Variants in HS3ST5 observed in about 807,000 individuals in gnomAD.
HS3ST5 encodes heparan sulfate glucosamine 3-O-sulfotransferase 5.
Under a neutral mutation model 25.4 loss-of-function variants are expected in HS3ST5, and 10 were observed. The observed-to-expected ratio is 0.39, with a 90% CI of 0.24 to 0.67. HS3ST5 has a LOEUF of 0.67. Ranked by LOEUF, HS3ST5 falls within the 30% of genes least tolerant of loss-of-function variation. The pLI is 0.44. For synonymous variants in HS3ST5, 170 were observed against 162.4 expected (o/e 1.05, Z -0.36); for missense variants, 324 against 420.7 (o/e 0.77, Z 2.01).
intron 2 of HS3ST5, among the ~76,000 whole-genome samples, chr6:114,180,262 C>A (rs1400489987): frequency 6.6e-6 from 1 of 152,134 alleles, no homozygotes; most frequent in African/African-American, 2.4e-5. Flanking sequence ...TCCTATACTG[C>A]ACATAAGGCA....
intron 2 of HS3ST5, among the ~76,000 whole-genome samples, chr6:114,174,605 T>C (rs909173741): frequency 6.6e-6 from 1 of 152,330 alleles, no homozygotes; most frequent in South Asian, 2.1e-4. Context: ...AAAGTCGATA[T>C]GGGTTAACAC....
At chr6:114,182,391 T>A (rs1780014627) in intron 2 of HS3ST5, among the ~76,000 whole-genome samples, 2 of 152,154 alleles carry the variant, frequency 1.3e-5, no homozygotes, top group South Asian at 2.1e-4. Context: ...AAAGGTCAGG[T>A]TAAGAGGAAA....
chr6:114,243,027 C>T (rs1417196912), intron 1 of HS3ST5, among the ~76,000 whole-genome samples: 1 of 152,186 alleles, frequency 6.6e-6, no homozygotes, highest in Non-Finnish European at 1.5e-5. Flanking sequence ...ATTGTGAGAA[C>T]CTCTCTGGGT....
chr6:114,238,143 A>G (rs934188504), intron 1 of HS3ST5, among the ~76,000 whole-genome samples: 2 of 152,244 alleles, frequency 1.3e-5, no homozygotes, highest in Admixed American at 6.5e-5. Context: ...TATTTTACTG[A>G]AGACGCTGCT....
chr6:114,088,163 C>T (rs7760512), intron 3 of HS3ST5, among the ~76,000 whole-genome samples: 66,312 of 151,930 alleles, frequency 0.44, 14,962 homozygotes, highest in Middle Eastern at 0.55. Flanking sequence ...AAATTACCTA[C>T]GTGGTTTGCA....
intron 2 of HS3ST5, among the ~76,000 whole-genome samples, chr6:114,213,069 T>C (rs899733439): frequency 6.6e-6 from 1 of 152,134 alleles, no homozygotes. Context: ...AGGATTTTAT[T>C]GCCGATGAAA....
intron 1 of HS3ST5, among the ~76,000 whole-genome samples, chr6:114,341,175 GGA>G (rs1562281318): frequency 1.8e-5 from 1 of 57,040 alleles, no homozygotes; most frequent in Admixed American, 1.7e-4. Context: ...AGGGAGGGAG[GGA>G]GAGGGAGAGG....
At chr6:114,274,286 G>A (rs1458516112) in intron 1 of HS3ST5, among the ~76,000 whole-genome samples, 5 of 152,000 alleles carry the variant, frequency 3.3e-5, no homozygotes, top group Admixed American at 2.6e-4. Context: ...GAAGATATGT[G>A]GAGTTTTGAG....
intron 3 of HS3ST5, among the ~76,000 whole-genome samples, chr6:114,136,579 G>A (rs1777626175): frequency 6.6e-6 from 1 of 152,204 alleles, no homozygotes; most frequent in Admixed American, 6.5e-5. Context: ...TTGTATTGAA[G>A]TGAATTGGGC....
At chr6:114,235,210 C>T (rs1365360616) in intron 1 of HS3ST5, among the ~76,000 whole-genome samples, 6 of 152,164 alleles carry the variant, frequency 3.9e-5, no homozygotes, top group African/African-American at 1.4e-4. Flanking sequence ...ATACTTTACA[C>T]AGGTATTCCT....
chr6:114,236,395 C>G (rs923078114), intron 1 of HS3ST5, among the ~76,000 whole-genome samples: 5 of 152,174 alleles, frequency 3.3e-5, no homozygotes, highest in Non-Finnish European at 7.3e-5. Context: ...ATGGATATAG[C>G]TTTACTCATA....
rs566508842 is a variant in HS3ST5 at position 114,256,045 on chromosome 6, T to G, written c.-338-27267A>C. On this transcript the variant is annotated intron_variant, in intron 1 of 4. Coordinates refer to ENST00000312719, the MANE Select transcript of HS3ST5 (RefSeq NM_153612.4). ...AGGCTGCAATTTTTCTAAACTTTTA[T>G]GCTCTGTTTCCCTTTTAAAACTGAA... is the stretch of plus-strand genomic sequence containing the variant. Among the ~76,000 whole-genome samples, 121 of 152,328 alleles carry G rather than the reference T, an allele frequency of 7.9e-4. 1 individual carries two copies. Among genetic ancestry groups the G allele is most frequent in the African/African-American group, 2.8e-3 (115 of 41,592 alleles).
At chr6:114,119,948 C>T (rs1237980134) in intron 3 of HS3ST5, among the ~76,000 whole-genome samples, 7 of 152,010 alleles carry the variant, frequency 4.6e-5, no homozygotes, top group African/African-American at 1.7e-4. Context: ...AGTTCGAGAC[C>T]GGCCTGGCCA....
intron 3 of HS3ST5, among the ~76,000 whole-genome samples, chr6:114,157,133 C>T (rs1202124667): frequency 6.6e-6 from 1 of 152,104 alleles, no homozygotes; most frequent in Non-Finnish European, 1.5e-5. Flanking sequence ...CTATCCACCC[C>T]ATTGTCCAGG....
At chr6:114,329,509 C>T (rs1038450277) in intron 1 of HS3ST5, among the ~76,000 whole-genome samples, 1 of 152,134 alleles carries the variant, frequency 6.6e-6, no homozygotes, top group African/African-American at 2.4e-5. Context: ...GGGAATAGAC[C>T]TTTGCCCTCA....
chr6:114,242,839 G>A (rs1380499728), intron 1 of HS3ST5, among the ~76,000 whole-genome samples: 1 of 141,388 alleles, frequency 7.1e-6, no homozygotes, highest in African/African-American at 2.6e-5. Flanking sequence ...CGGCCTGGGC[G>A]ACAGAGCGAG....
intron 3 of HS3ST5, among the ~76,000 whole-genome samples, chr6:114,081,348 C>T (rs1311375737): frequency 6.6e-6 from 1 of 150,912 alleles, no homozygotes; most frequent in African/African-American, 2.4e-5. Flanking sequence ...GGTTGCAACA[C>T]ATCTTTAATT....
chr6:114,076,609 T>C (rs951990053), intron 3 of HS3ST5, among the ~76,000 whole-genome samples: 1 of 152,218 alleles, frequency 6.6e-6, no homozygotes, highest in Non-Finnish European at 1.5e-5. Context: ...CAATTTGCTC[T>C]GTTGTCAGGG....
chr6:114,104,504 G>A (rs1179893787), intron 3 of HS3ST5, among the ~76,000 whole-genome samples: 1 of 152,154 alleles, frequency 6.6e-6, no homozygotes, highest in Non-Finnish European at 1.5e-5. Context: ...TAGATCCTGT[G>A]GAATCCTATA....
Sources: allele counts gnomAD v4.1 joint callset (sites outside exome capture counted in the v4.1 genomes callset), GRCh38; gene constraint gnomAD v4.1.1; transcripts MANE v1.5; gene names NCBI Gene and HGNC (gene_info 2026-07-23, HGNC 2026-07-21).